Variants in TAS2R1 observed in about 807,000 individuals in gnomAD.
TAS2R1 encodes taste receptor type 2 member 1.
For missense variants in TAS2R1, 370 were observed against 353.4 expected (o/e 1.05, Z -0.38); for synonymous variants, 141 against 134.2 (o/e 1.05, Z -0.35).
At chr5:9,659,553 G>A (rs12187729) in exon 2 of TAS2R1, 29,600 of 151,248 alleles carry the variant, frequency 0.2, 2,947 homozygotes, top group South Asian at 0.22. Context: ...AGAGTCACAC[G>A]AGATCACTTA....
At chr5:9,828,465 T>TA in the TAS2R1 span, among the ~76,000 whole-genome samples, 1 of 152,162 alleles carries the variant, frequency 6.6e-6, no homozygotes, top group Non-Finnish European at 1.5e-5. Flanking sequence ...GCCCAGGAAT[T>TA]ACGGCATTTT....
the TAS2R1 span, among the ~76,000 whole-genome samples, chr5:9,834,427 T>C: frequency 6.6e-6 from 1 of 152,208 alleles, no homozygotes; most frequent in Non-Finnish European, 1.5e-5. Flanking sequence ...TTTAATCTTT[T>C]GTGTGGATGA....
At chr5:9,720,744 G>A in the TAS2R1 span, among the ~76,000 whole-genome samples, 5 of 152,348 alleles carry the variant, frequency 3.3e-5, no homozygotes, top group African/African-American at 1.2e-4. Flanking sequence ...GGACAGATGA[G>A]AGGGAAGGAG....
the TAS2R1 span, among the ~76,000 whole-genome samples, chr5:9,811,947 G>C: frequency 1.3e-5 from 2 of 151,942 alleles, no homozygotes; most frequent in African/African-American, 4.8e-5. Flanking sequence ...TCTCATCACA[G>C]GGGCTGTGCA....
the TAS2R1 span, among the ~76,000 whole-genome samples, chr5:9,831,320 C>T: frequency 6.6e-6 from 1 of 152,012 alleles, no homozygotes; most frequent in Non-Finnish European, 1.5e-5. Flanking sequence ...AAGTATTATG[C>T]ACATTTTCCA....
chr5:9,824,779 G>A, the TAS2R1 span, among the ~76,000 whole-genome samples: 5 of 150,018 alleles, frequency 3.3e-5, no homozygotes, highest in Non-Finnish European at 5.9e-5. Flanking sequence ...CCTGGGCAGC[G>A]GAGGTTGCAG....
chr5:9,755,326 G>T, the TAS2R1 span, among the ~76,000 whole-genome samples: 1 of 152,164 alleles, frequency 6.6e-6, no homozygotes, highest in African/African-American at 2.4e-5. Context: ...GGTGGCTCAC[G>T]CCTGTAATCC....
At chr5:9,850,970 G>A in the TAS2R1 span, among the ~76,000 whole-genome samples, 1 of 152,152 alleles carries the variant, frequency 6.6e-6, no homozygotes, top group Non-Finnish European at 1.5e-5. Flanking sequence ...TCCCTTTAAA[G>A]TTTTGGCTGG....
At chr5:9,676,789 G>GA (rs1173559856) in intron 1 of TAS2R1, among the ~76,000 whole-genome samples, 1 of 151,964 alleles carries the variant, frequency 6.6e-6, no homozygotes, top group Non-Finnish European at 1.5e-5. Flanking sequence ...ATTGGCTTAT[G>GA]AAAAAAACAG....
chr5:9,643,484 C>T (rs1384204067), intron 2 of TAS2R1, among the ~76,000 whole-genome samples: 1 of 152,088 alleles, frequency 6.6e-6, no homozygotes, highest in African/African-American at 2.4e-5. Flanking sequence ...CCGGAAGTTG[C>T]TCTGGGTAAG....
At chr5:9,844,972 C>A in the TAS2R1 span, among the ~76,000 whole-genome samples, 1 of 151,426 alleles carries the variant, frequency 6.6e-6, no homozygotes, top group African/African-American at 2.4e-5. Context: ...ACATAAAAGG[C>A]CCTCTGTGAC....
the TAS2R1 span, among the ~76,000 whole-genome samples, chr5:9,833,076 T>G: frequency 6.6e-6 from 1 of 152,254 alleles, no homozygotes; most frequent in Non-Finnish European, 1.5e-5. Flanking sequence ...CTGAGTCCTC[T>G]ATCAGCCTTG....
the TAS2R1 span, among the ~76,000 whole-genome samples, chr5:9,816,372 C>A: frequency 4.7e-4 from 72 of 151,848 alleles, 1 homozygote; most frequent in Admixed American, 4.2e-3. Flanking sequence ...GTCTTTCCAA[C>A]AAGACAGTGA....
At chr5:9,764,796 T>A in the TAS2R1 span, among the ~76,000 whole-genome samples, 8,353 of 152,256 alleles carry the variant, frequency 0.055, 625 homozygotes, top group East Asian at 0.27. Flanking sequence ...AGAAAGAGCC[T>A]GAGATTTTGA....
At chr5:9,789,626 A>C in the TAS2R1 span, among the ~76,000 whole-genome samples, 1 of 152,230 alleles carries the variant, frequency 6.6e-6, no homozygotes, top group Admixed American at 6.5e-5. Context: ...TACCAGATGC[A>C]TGAATCGATC....
the TAS2R1 span, chr5:9,765,645 C>G: frequency 6.6e-6 from 1 of 152,238 alleles, no homozygotes; most frequent in African/African-American, 2.4e-5. Flanking sequence ...GGGACTCTCC[C>G]CTTGATGGAT....
intron 1 of TAS2R1, among the ~76,000 whole-genome samples, chr5:9,684,461 G>A (rs1215573591): frequency 1.3e-5 from 2 of 152,190 alleles, no homozygotes; most frequent in Non-Finnish European, 2.9e-5. Flanking sequence ...TACATAGGAG[G>A]AATGAATTCA....
rs879744019 is a variant in TAS2R1, at chr5:9,702,260, T to C, written c.-242+9912A>G. On this transcript the variant is annotated intron_variant, in intron 1 of 2. Coordinates refer to the TAS2R1 transcript ENST00000506620. ...CATTAACTATGTATTTATTAAACTC[T>C]TACTCTTCTAGTGCTAAGTCACTGC... 7.9e-5 allele frequency among the ~76,000 whole-genome samples: 12 copies of C among 152,334 alleles called. No individual in the cohort carries two copies. The East Asian group carries it at 2.3e-3, about 29-fold the overall frequency.
At chr5:9,727,930 T>C in the TAS2R1 span, among the ~76,000 whole-genome samples, 1 of 152,132 alleles carries the variant, frequency 6.6e-6, no homozygotes, top group Admixed American at 6.5e-5. Flanking sequence ...AGAATGCATC[T>C]TGGGTATGAA....
Sources: allele counts gnomAD v4.1 joint callset (sites outside exome capture counted in the v4.1 genomes callset), GRCh38; gene constraint gnomAD v4.1.1; transcripts MANE v1.5; gene names NCBI Gene and HGNC (gene_info 2026-07-23, HGNC 2026-07-21).